ANO4: variants seen among roughly 807,000 people sequenced by gnomAD.
ANO4 encodes the protein anoctamin 4, also known as anoctamin-4.
A neutral mutation model predicts 141.9 loss-of-function variants in ANO4; 69 were observed. The ratio of observed to expected loss-of-function variants is 0.49; its 90% CI spans 0.40 to 0.59. ANO4 has a LOEUF of 0.59. Among genes scored for constraint, ANO4 ranks in the 20% least tolerant of loss-of-function variants. The probability of loss-of-function intolerance (pLI) is 0.00; values close to 1 mark genes in which losing one functional copy is unlikely to be tolerated. For synonymous variants in ANO4, 350 were observed against 394.3 expected (o/e 0.89, Z 1.33); for missense variants, 894 against 1,162.2 (o/e 0.77, Z 3.36).
At chr12:100,869,370 T>C (rs2038920709) in intron 1 of ANO4, among the ~76,000 whole-genome samples, 1 of 152,170 alleles carries the variant, frequency 6.6e-6, no homozygotes, top group Non-Finnish European at 1.5e-5. Context: ...TGAGAGGTGA[T>C]AGGAATGAGT....
intron 9 of ANO4, among the ~76,000 whole-genome samples, chr12:101,030,138 C>A (rs1157456197): frequency 6.6e-6 from 1 of 152,116 alleles, no homozygotes. Flanking sequence ...ACCTAATAGA[C>A]ATCTACAGAA....
At chr12:100,809,642 TAGG>T (rs2035276565) in intron 1 of ANO4, among the ~76,000 whole-genome samples, 1 of 152,158 alleles carries the variant, frequency 6.6e-6, no homozygotes, top group Admixed American at 6.5e-5. Flanking sequence ...CTATGGGGCT[TAGG>T]AGATTAGGCT....
At chr12:100,990,378 T>A (rs1300280764) in intron 8 of ANO4, among the ~76,000 whole-genome samples, 3 of 152,184 alleles carry the variant, frequency 2.0e-5, no homozygotes, top group Non-Finnish European at 4.4e-5. Context: ...TCAGAAGCCC[T>A]TGGATACCCA....
intron 25 of ANO4, among the ~76,000 whole-genome samples, chr12:101,118,242 G>A (rs2050935407): frequency 6.6e-6 from 1 of 152,048 alleles, no homozygotes; most frequent in South Asian, 2.1e-4. Context: ...TAAAAACTTT[G>A]TAATCATTTG....
intron 3 of ANO4, among the ~76,000 whole-genome samples, chr12:100,936,054 G>T (rs1223362212): frequency 6.6e-6 from 1 of 152,128 alleles, no homozygotes; most frequent in Non-Finnish European, 1.5e-5. Context: ...ATACTGAGAG[G>T]CTGGCAAGTG....
chr12:100,814,272 A>G (rs2035604613), intron 1 of ANO4, among the ~76,000 whole-genome samples: 1 of 152,208 alleles, frequency 6.6e-6, no homozygotes, highest in African/African-American at 2.4e-5. Flanking sequence ...CAAGTATAGA[A>G]TTCAATAAGT....
At position 100,876,339 on chromosome 12, in the gene ANO4, G is replaced by C. The variant is rs544536439; in HGVS notation, c.-140-25307G>C. 1.5e-3 allele frequency among the ~76,000 whole-genome samples: 217 copies of C among 148,592 alleles called. 2 individuals carry two copies. The highest frequency in any genetic ancestry group is 5.1e-3 in the African/African-American group (205 of 40,198). ...ATGGAATTGCTAGTGATGTCGACAA[G>C]AGCCATGTCCAAGGGTGGAGTGGGG... On this transcript the variant is annotated intron_variant, in intron 1 of 27. Coordinates refer to ENST00000392977, the MANE Select transcript of ANO4 (RefSeq NM_001286615.2).
chr12:101,069,494 A>G (rs60937841), intron 14 of ANO4, among the ~76,000 whole-genome samples: 1 of 152,318 alleles, frequency 6.6e-6, no homozygotes, highest in African/African-American at 2.4e-5. Context: ...CTCCTGTAGT[A>G]TGTCTTTAGT....
At position 100,838,189 on chromosome 12, in the gene ANO4, C is replaced by T. The variant is rs534659199; in HGVS notation, c.-141+43162C>T. Reference sequence around the variant, plus strand: ...AGGATGCAGTGAGCCGAGATCGCTTCATTACACTCCAGCCTGGATGACAGA... The same window carrying T: ...AGGATGCAGTGAGCCGAGATCGCTTTATTACACTCCAGCCTGGATGACAGA... On this transcript the variant is annotated intron_variant, in intron 1 of 27. Transcript: ENST00000392977. Among the ~76,000 whole-genome samples, 51 of 130,436 alleles carry T rather than the reference C, an allele frequency of 3.9e-4. 1 individual carries two copies. Among genetic ancestry groups the T allele is most frequent in the African/African-American group, 1.4e-3 (48 of 34,254 alleles). 85.6% of individuals were successfully genotyped at this position (130,436 alleles called of 152,430 possible).
chr12:100,842,067 C>T (rs11110550), intron 1 of ANO4: 1 of 98,132 alleles, frequency 1.0e-5, no homozygotes, highest in East Asian at 4.0e-4. Context: ...ATCCACCCCC[C>T]CCCCCCCCCC....
chr12:100,810,671 AGT>A (rs756860594), intron 1 of ANO4, among the ~76,000 whole-genome samples: 85 of 152,258 alleles, frequency 5.6e-4, no homozygotes, highest in South Asian at 1.7e-3. Context: ...GATACAGGAA[AGT>A]GTGCATAGGA....
In ANO4 at chr12:100,981,491, GGAAAAGAAAAGAAAAGA is replaced by G. The variant is rs1463303636; in HGVS notation, c.603-6030_603-6014del. 3.3e-5 allele frequency among the ~76,000 whole-genome samples: 5 copies of G among 151,490 alleles called. 1 individual carries two copies. The highest frequency in any genetic ancestry group is 4.2e-4 in the South Asian group (2 of 4,786). ...GGAAGGGAGGGAGGGAGGAAGGAAG[GGAAAAGAAAAGAAAAGA>G]GAAAAGAAAAGAAAAGAAAGCTCAT... On this transcript the variant is annotated intron_variant, in intron 7 of 27. Coordinates refer to ENST00000392977, the MANE Select transcript of ANO4 (RefSeq NM_001286615.2).
chr12:101,097,605 C>T (rs767458458), intron 19 of ANO4, 46 bp from the exon 20 acceptor site: 1 of 1,566,940 alleles, frequency 6.4e-7, no homozygotes, highest in Non-Finnish European at 8.8e-7. Flanking sequence ...TCGCTGAAAG[C>T]TTGGACCTAG....
chr12:101,080,058 C>T (rs2049183946), intron 15 of ANO4, among the ~76,000 whole-genome samples: 1 of 152,234 alleles, frequency 6.6e-6, no homozygotes, highest in Non-Finnish European at 1.5e-5. Flanking sequence ...TCCTGAGTCT[C>T]ATTTCCTCAG....
intron 17 of ANO4, among the ~76,000 whole-genome samples, chr12:101,090,131 A>C: frequency 6.6e-6 from 1 of 152,192 alleles, no homozygotes; most frequent in Non-Finnish European, 1.5e-5. Context: ...GAAATAGGAA[A>C]GCTTTTACAC....
At chr12:100,834,962 AG>A (rs1462912571) in intron 1 of ANO4, among the ~76,000 whole-genome samples, 1 of 152,172 alleles carries the variant, frequency 6.6e-6, no homozygotes, top group Admixed American at 6.5e-5. Context: ...AGTGGAATGA[AG>A]GAGAAGGAAA....
chr12:101,102,392 G>A (rs191510575), intron 22 of ANO4, among the ~76,000 whole-genome samples: 22 of 152,178 alleles, frequency 1.4e-4, no homozygotes, highest in South Asian at 6.2e-4. Context: ...ACTTGCGTTC[G>A]TATTTTAGCC....
chr12:100,890,691 C>G (rs2040061067), intron 1 of ANO4, among the ~76,000 whole-genome samples: 1 of 152,048 alleles, frequency 6.6e-6, no homozygotes, highest in Non-Finnish European at 1.5e-5. Flanking sequence ...ACAGACATTC[C>G]TTGTGTATCT....
At chr12:100,942,918 A>G (rs2042575773) in intron 5 of ANO4, among the ~76,000 whole-genome samples, 1 of 152,200 alleles carries the variant, frequency 6.6e-6, no homozygotes, top group Admixed American at 6.5e-5. Flanking sequence ...TTTACATTTC[A>G]GGAAATATCA....
Sources: gnomAD v4.1 joint callset for allele counts (sites outside exome capture counted in the v4.1 genomes callset) on GRCh38, gnomAD v4.1.1 for gene constraint, MANE v1.5 for transcripts, NCBI Gene and HGNC (gene_info 2026-07-23, HGNC 2026-07-21) for gene names.